Variants in TRPS1 observed in about 807,000 individuals in gnomAD.
TRPS1 encodes zinc finger transcription factor Trps1.
A neutral mutation model predicts 101.2 loss-of-function variants in TRPS1; 6 were observed. The ratio of observed to expected loss-of-function variants is 0.06; its 90% CI spans 0.03 to 0.12. The LOEUF is 0.12. Ranked by LOEUF, TRPS1 falls within the 10% of genes least tolerant of loss-of-function variation. The pLI is 1.00. For missense variants in TRPS1, 1,363 were observed against 1,567.0 expected, an observed-to-expected ratio of 0.87 and a Z score of 2.20; for synonymous variants, 578 against 589.8, an observed-to-expected ratio of 0.98 and a Z score of 0.29.
At chr8:115,646,231 A>G (rs1002998548) in intron 1 of TRPS1, among the ~76,000 whole-genome samples, 5 of 152,294 alleles carry the variant, frequency 3.3e-5, no homozygotes, top group Admixed American at 3.3e-4. Flanking sequence ...ACCTGTGCCC[A>G]GGTACTACTA....
At chr8:115,576,072 T>C (rs186257484) in intron 5 of TRPS1, among the ~76,000 whole-genome samples, 53 of 152,272 alleles carry the variant, frequency 3.5e-4, no homozygotes, top group East Asian at 3.1e-3. Flanking sequence ...TTTCTCATTG[T>C]GCTTACTTTC....
At chr8:115,515,179 T>G in intron 5 of TRPS1, 1 of 687,846 alleles carries the variant, frequency 1.5e-6, no homozygotes, top group South Asian at 1.5e-5. Flanking sequence ...TTTTCGTTAC[T>G]CTCCATTATC....
chr8:115,587,568 A>G lies in TRPS1; in HGVS notation c.2133T>C (p.Ser711=), dbSNP rs750203094. ...AHSCYKCRQC[S]FTAADTQSLL... ...GTGACTGAGTATCGGCAGCTGTAAA[A>G]CTGCACTGACGGCATTTGTAGCAGC... The change falls in exon 5 of 7, where the codon AGT becomes AGC. Residue 711 remains serine (S), a synonymous_variant. Transcript: ENST00000395715. 5 of 1,614,140 alleles carry G rather than the reference A, an allele frequency of 3.1e-6. No homozygotes were observed. In the Admixed American group the frequency reaches 6.7e-5, roughly 22 times the overall value.
chr8:115,571,509 C>T (rs1817202822), intron 5 of TRPS1, among the ~76,000 whole-genome samples: 1 of 152,100 alleles, frequency 6.6e-6, no homozygotes. Context: ...CCATTAACCC[C>T]CTACCAATAT....
chr8:115,574,741 CAT>C lies in TRPS1; in HGVS notation c.2700+12258_2700+12259del. On this transcript the variant is annotated intron_variant, in intron 5 of 6. Transcript: ENST00000395715. ...AAATGTTTTGAAGGCAGTTAAATCCCATATATATATATAACTTTATAAGTGCA... is the reference window on the plus strand; with the variant it reads ...AAATGTTTTGAAGGCAGTTAAATCCCATATATATATAACTTTATAAGTGCA... Among the ~76,000 whole-genome samples, 9 of 150,512 alleles carry C rather than the reference CAT, an allele frequency of 6.0e-5. No homozygotes were observed. In the South Asian group the frequency reaches 1.9e-3, roughly 31 times the overall value.
chr8:115,463,341 G>GA (rs1258233755), intron 5 of TRPS1, among the ~76,000 whole-genome samples: 5 of 152,078 alleles, frequency 3.3e-5, no homozygotes, highest in Non-Finnish European at 5.9e-5. Context: ...GAAAACTGAA[G>GA]AAAAGAAATG....
chr8:115,453,738 C>T (rs1478297474), intron 5 of TRPS1, among the ~76,000 whole-genome samples: 1 of 152,208 alleles, frequency 6.6e-6, no homozygotes, highest in South Asian at 2.1e-4. Flanking sequence ...ATAAGACTAT[C>T]CACTTCTAAA....
At chr8:115,455,845 TG>T (rs1481931415) in intron 5 of TRPS1, among the ~76,000 whole-genome samples, 2 of 147,546 alleles carry the variant, frequency 1.4e-5, no homozygotes. Context: ...AGTGCAGTGG[TG>T]TGATCTCAGC....
chr8:115,477,700 G>C (rs1362824346), intron 5 of TRPS1, among the ~76,000 whole-genome samples: 2 of 152,112 alleles, frequency 1.3e-5, no homozygotes, highest in Non-Finnish European at 2.9e-5. Context: ...TAGTACAAAG[G>C]CTCTTGTGTT....
intron 5 of TRPS1, among the ~76,000 whole-genome samples, chr8:115,539,301 A>T (rs1201830674): frequency 3.3e-5 from 5 of 152,222 alleles, no homozygotes; most frequent in Non-Finnish European, 5.9e-5. Flanking sequence ...GATAAATTTC[A>T]TTTTAATTTC....
At chr8:115,614,039 G>T (rs1190003599) in intron 3 of TRPS1, among the ~76,000 whole-genome samples, 1 of 152,146 alleles carries the variant, frequency 6.6e-6, no homozygotes, top group Non-Finnish European at 1.5e-5. Context: ...CTCTACAAAG[G>T]AAATCAGAAA....
At position 115,604,344 on chromosome 8, in the gene TRPS1, TCA is replaced by T. The variant is rs780540707; in HGVS notation, c.1623_1624del (p.Cys541Ter). The T allele has an allele frequency of 6.2e-7, 1 of 1,614,014 alleles. No individual in the cohort carries two copies. Among genetic ancestry groups the T allele is most frequent in the Non-Finnish European group, 8.5e-7 (1 of 1,179,968 alleles). ...GCCATGGCTTTTGGAATATCGGAAG[TCA>T]CAGAACTGACAATTATAGCTCGTTA... On this transcript the variant is annotated stop_gained and frameshift_variant, in exon 4 of 7. Coordinates refer to ENST00000395715, the MANE Select transcript of TRPS1 (RefSeq NM_014112.5). LOFTEE classifies it high-confidence loss of function. This position sits in a 1 kb window ranked among gnomAD's most constrained non-coding sequence, Gnocchi z 4.1.
At chr8:115,521,961 G>T (rs1053021797) in intron 5 of TRPS1, among the ~76,000 whole-genome samples, 9 of 151,692 alleles carry the variant, frequency 5.9e-5, no homozygotes, top group Admixed American at 3.3e-4. Context: ...AAACTTAAAC[G>T]TATTATAAAC....
chr8:115,452,430 A>T (rs563637993), intron 5 of TRPS1, among the ~76,000 whole-genome samples: 20 of 152,326 alleles, frequency 1.3e-4, no homozygotes, highest in Admixed American at 6.5e-4. Flanking sequence ...AACAAAAAAA[A>T]ATATATTATG....
intron 5 of TRPS1, among the ~76,000 whole-genome samples, chr8:115,430,232 G>C (rs1457207360): frequency 1.3e-5 from 2 of 152,096 alleles, no homozygotes; most frequent in Non-Finnish European, 2.9e-5. Context: ...TCACAAAATA[G>C]TCCTACTTTC....
At chr8:115,505,507 G>T (rs1392220074) in intron 5 of TRPS1, among the ~76,000 whole-genome samples, 1 of 152,104 alleles carries the variant, frequency 6.6e-6, no homozygotes, top group African/African-American at 2.4e-5. Context: ...CCTTGATAGT[G>T]TATCTTCTGT....
chr8:115,460,067 T>G (rs188912770), intron 5 of TRPS1, among the ~76,000 whole-genome samples: 1 of 152,334 alleles, frequency 6.6e-6, no homozygotes, highest in African/African-American at 2.4e-5. Flanking sequence ...ACTATTAAGT[T>G]ACCAGAAAGA....
chr8:115,566,160 A>G (rs967750573), intron 5 of TRPS1, among the ~76,000 whole-genome samples: 1 of 152,202 alleles, frequency 6.6e-6, no homozygotes, highest in African/African-American at 2.4e-5. Flanking sequence ...ATCTACATGT[A>G]GTCTGTTCAT....
intron 5 of TRPS1, among the ~76,000 whole-genome samples, chr8:115,473,336 T>C (rs568574947): frequency 6.6e-6 from 1 of 152,258 alleles, no homozygotes; most frequent in African/African-American, 2.4e-5. Context: ...ATGCCCCTTA[T>C]AAAACTATCA....
Sources: allele counts gnomAD v4.1 joint callset (sites outside exome capture counted in the v4.1 genomes callset), GRCh38; gene constraint gnomAD v4.1.1; non-coding constraint Gnocchi (gnomAD v3.1); transcripts MANE v1.5; gene names NCBI Gene and HGNC (gene_info 2026-07-23, HGNC 2026-07-21).